PIGU: variants seen among roughly 807,000 people sequenced by gnomAD.
The protein encoded by PIGU is phosphatidylinositol glycan anchor biosynthesis class U.
In PIGU, 24 loss-of-function variants were observed where a neutral mutation model predicts 49.9. That is an observed-to-expected ratio of 0.48 (90% confidence interval 0.35 to 0.68). The LOEUF is 0.68. PIGU is among the 30% of genes least tolerant of loss of function. The probability of loss-of-function intolerance (pLI) is 0.01; values close to 1 mark genes in which losing one functional copy is unlikely to be tolerated. For missense variants in PIGU, 490 were observed against 532.6 expected, an observed-to-expected ratio of 0.92 and a Z score of 0.79; for synonymous variants, 220 against 205.7, an observed-to-expected ratio of 1.07 and a Z score of -0.59.
At chr20:34,582,167 ACTT>A (rs930340328) in intron 9 of PIGU, among the ~76,000 whole-genome samples, 1 of 152,216 alleles carries the variant, frequency 6.6e-6, no homozygotes, top group Non-Finnish European at 1.5e-5. Flanking sequence ...AGTGCGATGA[ACTT>A]CTTTCCAGGA....
At chr20:34,600,733 G>A (rs1018268599) in intron 7 of PIGU, among the ~76,000 whole-genome samples, 11 of 152,022 alleles carry the variant, frequency 7.2e-5, no homozygotes, top group Non-Finnish European at 1.0e-4. Flanking sequence ...GAATCAAGTA[G>A]GCTGTTAAAA....
chr20:34,638,076 C>A, intron 4 of PIGU, 91 bp from the exon 5 acceptor site: 1 of 1,458,700 alleles, frequency 6.9e-7, no homozygotes, highest in Non-Finnish European at 9.0e-7. Flanking sequence ...CTTTCCATGG[C>A]CCACATGGCC....
Position 34,676,485 on chromosome 20 carries a change from T to C in PIGU, c.130+471A>G, listed in dbSNP as rs2146804835. Among the ~76,000 whole-genome samples the C allele has an allele frequency of 2.0e-5, 3 of 152,244 alleles. 1 individual carries two copies. In the Middle Eastern group the frequency reaches 0.01, roughly 518 times the overall value. On this transcript the variant is annotated intron_variant, in intron 1 of 11. Coordinates refer to ENST00000217446, the MANE Select transcript of PIGU (RefSeq NM_080476.5). Reference sequence around the variant, plus strand: ...GCAAGTCCCAGACTGAGAAGAGACGTCTAAAGCACACGCACACTCTCCTCG... The same window carrying C: ...GCAAGTCCCAGACTGAGAAGAGACGCCTAAAGCACACGCACACTCTCCTCG...
chr20:34,625,294 G>T (rs1182531213), intron 6 of PIGU, among the ~76,000 whole-genome samples: 2 of 151,506 alleles, frequency 1.3e-5, no homozygotes, highest in African/African-American at 4.9e-5. Context: ...CCTGAACCCG[G>T]GAGGCAGAGG....
At chr20:34,657,552 C>A (rs1408859913) in intron 1 of PIGU, among the ~76,000 whole-genome samples, 1 of 152,192 alleles carries the variant, frequency 6.6e-6, no homozygotes, top group Non-Finnish European at 1.5e-5. Flanking sequence ...CTTCCCCATT[C>A]CAAAGCACAA....
At chr20:34,576,747 G>A (rs1983252247) in intron 10 of PIGU, among the ~76,000 whole-genome samples, 1 of 152,164 alleles carries the variant, frequency 6.6e-6, no homozygotes, top group African/African-American at 2.4e-5. Context: ...TCAGCCTCCT[G>A]AGTAGCTGGA....
At chr20:34,671,877 T>C (rs147864827) in intron 1 of PIGU, among the ~76,000 whole-genome samples, 1,984 of 152,082 alleles carry the variant, frequency 0.013, 50 homozygotes, top group African/African-American at 0.044. Flanking sequence ...GAGCTGAGAT[T>C]GTGCCATTGC....
chr20:34,638,026 C>T (rs201024721), intron 4 of PIGU, 41 bp from the exon 5 acceptor site: 81 of 1,546,786 alleles, frequency 5.2e-5, no homozygotes, highest in East Asian at 2.3e-5. Context: ...ACACATGAAA[C>T]AATTCACTTC....
intron 7 of PIGU, among the ~76,000 whole-genome samples, chr20:34,588,876 A>G (rs1341492019): frequency 6.6e-6 from 1 of 152,208 alleles, no homozygotes; most frequent in African/African-American, 2.4e-5. Flanking sequence ...TCATTGCACC[A>G]TTGTTTGGAA....
At chr20:34,574,341 T>C (rs984146607) in intron 11 of PIGU, among the ~76,000 whole-genome samples, 16 of 152,254 alleles carry the variant, frequency 1.1e-4, no homozygotes, top group African/African-American at 3.9e-4. Context: ...ACCTGGCTTT[T>C]TAAAACAGAG....
chr20:34,578,079 T>C (rs534724180), intron 10 of PIGU, among the ~76,000 whole-genome samples: 2 of 152,320 alleles, frequency 1.3e-5, no homozygotes, highest in Admixed American at 1.3e-4. Context: ...GAATGGCTGG[T>C]AGTTGATTGT....
At chr20:34,585,604 G>A (rs769499121) in intron 8 of PIGU, 24 bp from the exon 9 acceptor site, 3 of 1,606,394 alleles carry the variant, frequency 1.9e-6, no homozygotes, top group South Asian at 2.2e-5. Context: ...AACAAAGGGA[G>A]AGAAAAAAGA....
At chr20:34,608,071 CT>C (rs10555161) in intron 7 of PIGU, among the ~76,000 whole-genome samples, 6,584 of 123,794 alleles carry the variant, frequency 0.053, 111 homozygotes, top group African/African-American at 0.057. Flanking sequence ...GGAGACATGA[CT>C]TTTTTTTTTT....
chr20:34,616,230 C>G lies in PIGU; in HGVS notation c.530-91G>C, dbSNP rs1985001737. 3 of 1,405,168 alleles carry G rather than the reference C, an allele frequency of 2.1e-6. No individual in the cohort carries two copies. The South Asian group carries it at 4.1e-5, about 19-fold the overall frequency. The allele number at this position is 1,405,168 out of a possible 1,614,324, so 87.0% of individuals were successfully genotyped here. The stretch of plus-strand genomic sequence containing the variant: ...CCTCTCAACACAAAACTTTCCATAA[C>G]TGCTCAAATAATCACCTGCCAAGTG... On this transcript the variant is annotated intron_variant, in intron 6 of 11. Coordinates refer to ENST00000217446, the MANE Select transcript of PIGU (RefSeq NM_080476.5).
chr20:34,629,091 A>C (rs1159915381), intron 6 of PIGU, among the ~76,000 whole-genome samples: 1 of 150,420 alleles, frequency 6.6e-6, no homozygotes, highest in African/African-American at 2.5e-5. Context: ...GTCTCAGCTC[A>C]CTGAAACCTC....
chr20:34,622,698 G>A (rs1204640632), intron 6 of PIGU, among the ~76,000 whole-genome samples: 3 of 152,058 alleles, frequency 2.0e-5, no homozygotes, highest in Admixed American at 6.6e-5. Context: ...AGGGCATCAC[G>A]CTGGCCTAAC....
chr20:34,622,620 C>T (rs370471257), intron 6 of PIGU, among the ~76,000 whole-genome samples: 2 of 152,216 alleles, frequency 1.3e-5, no homozygotes, highest in East Asian at 3.8e-4. Flanking sequence ...CCAAAAACAT[C>T]TACCTACAGG....
At chr20:34,655,272 C>T (rs1280939158) in intron 2 of PIGU, among the ~76,000 whole-genome samples, 2 of 119,514 alleles carry the variant, frequency 1.7e-5, no homozygotes, top group Non-Finnish European at 3.6e-5. Context: ...ATCATTCCAC[C>T]ACATTCCAGC....
chr20:34,628,298 C>T (rs1985571463), intron 6 of PIGU, among the ~76,000 whole-genome samples: 1 of 151,844 alleles, frequency 6.6e-6, no homozygotes, highest in Non-Finnish European at 1.5e-5. Context: ...GCCTGGGCAA[C>T]ACAGTGAGAC....
Sources: allele counts gnomAD v4.1 joint callset (sites outside exome capture counted in the v4.1 genomes callset), GRCh38; gene constraint gnomAD v4.1.1; transcripts MANE v1.5; gene names NCBI Gene and HGNC (gene_info 2026-07-23, HGNC 2026-07-21).